DLG5: variants seen among roughly 807,000 people sequenced by gnomAD.
DLG5 encodes the protein discs large MAGUK scaffold protein 5, also known as disks large homolog 5.
In DLG5, 48 loss-of-function variants were observed where a neutral mutation model predicts 189.8. That is an observed-to-expected ratio of 0.25 (90% confidence interval 0.20 to 0.32). The LOEUF is 0.32. DLG5 is among the 10% of genes least tolerant of loss of function. DLG5 has a pLI of 1.00. For missense variants in DLG5, 2,160 were observed against 2,544.7 expected, an observed-to-expected ratio of 0.85 and a Z score of 3.25; for synonymous variants, 1,016 against 1,054.1, an observed-to-expected ratio of 0.96 and a Z score of 0.70.
Position 77,854,368 on chromosome 10 carries a change from G to C in DLG5, c.539C>G (p.Pro180Arg), listed in dbSNP as rs774027800. The change falls in exon 4 of 32, where the codon CCC (proline) becomes CGC (arginine). Residue 180 changes from proline to arginine, a missense_variant and splice_region_variant. Around this residue, in one of 5 missense-constraint regions of DLG5, gnomAD observed 664 missense variants for 838.5 expected, o/e 0.79. Coordinates refer to ENST00000372391, the MANE Select transcript of DLG5 (RefSeq NM_004747.4). ...ATHGTAFDKR[P>R]YHRLNPDYER... Reference sequence around the variant, plus strand: ...ATAGTCAGGATTCAGCCTGTGGTAGGGCCTGGCCCAGAGAGCGAATGGCCC... The same window carrying C: ...ATAGTCAGGATTCAGCCTGTGGTAGCGCCTGGCCCAGAGAGCGAATGGCCC... 3 of 1,613,800 alleles carry C rather than the reference G, an allele frequency of 1.9e-6. No individual in the cohort carries two copies. The highest frequency in any genetic ancestry group is 2.7e-5 in the African/African-American group (2 of 74,920).
chr10:77,919,283 T>C (rs1001913949), intron 1 of DLG5, among the ~76,000 whole-genome samples: 4 of 151,778 alleles, frequency 2.6e-5, no homozygotes, highest in African/African-American at 7.3e-5. Context: ...TTTCAGGAAA[T>C]GGAAAACCAG....
intron 3 of DLG5, 23 bp from the exon 4 acceptor site, chr10:77,854,393 C>T (rs1433227609): frequency 6.2e-7 from 1 of 1,612,784 alleles, no homozygotes. Flanking sequence ...GCGAATGGCC[C>T]CATGAACACA....
rs1842815767 is a variant in DLG5 at position 77,829,793 on chromosome 10, G to A, written c.2010-263C>T. ...TCAGCGTCTTCATATGTAAAATGGG[G>A]GCAATAATCACGCCTACCTTGTAGG... On this transcript the variant is annotated intron_variant, in intron 11 of 31. Coordinates refer to ENST00000372391, the MANE Select transcript of DLG5 (RefSeq NM_004747.4). 2.6e-5 allele frequency among the ~76,000 whole-genome samples: 4 copies of A among 152,148 alleles called. No homozygotes were observed. In the South Asian group the frequency reaches 8.3e-4, roughly 32 times the overall value.
chr10:77,875,869 G>C (rs900452904), intron 1 of DLG5, among the ~76,000 whole-genome samples: 1 of 151,794 alleles, frequency 6.6e-6, no homozygotes, highest in African/African-American at 2.4e-5. Context: ...CCCCTCCCTA[G>C]GGGCTCGGCC....
chr10:77,881,760 T>G (rs1444889357), intron 1 of DLG5, among the ~76,000 whole-genome samples: 1 of 152,168 alleles, frequency 6.6e-6, no homozygotes, highest in Non-Finnish European at 1.5e-5. Flanking sequence ...CATCCCATAA[T>G]GGCATGTTCC....
At chr10:77,878,864 C>T (rs375134179) in intron 1 of DLG5, among the ~76,000 whole-genome samples, 1 of 152,200 alleles carries the variant, frequency 6.6e-6, no homozygotes, top group Non-Finnish European at 1.5e-5. Context: ...GCTCCCACCA[C>T]CTACATACAG....
intron 2 of DLG5, among the ~76,000 whole-genome samples, chr10:77,860,222 C>T (rs779041153): frequency 6.6e-6 from 1 of 152,222 alleles, no homozygotes; most frequent in Non-Finnish European, 1.5e-5. Flanking sequence ...GCACTTCACC[C>T]TCATGCCTCG....
In DLG5 at chr10:77,926,566, C is replaced by A; in HGVS notation, c.-46G>T. ...CGCCCCGCCGGACGCCTCCCGGGCC[C>A]CCCGAGGCCGGCGGGCGGGCAGGCG... is the stretch of plus-strand genomic sequence containing the variant. On this transcript the variant is annotated 5_prime_UTR_variant, in exon 1 of 32. Coordinates refer to ENST00000372391, the MANE Select transcript of DLG5 (RefSeq NM_004747.4). The surrounding 1 kb of genome is among the most constrained non-coding windows in gnomAD (Gnocchi z 5.2). The A allele has an allele frequency of 3.3e-6, 4 of 1,210,042 alleles. No homozygotes were observed. The highest frequency in any genetic ancestry group is 4.1e-6 in the Non-Finnish European group (4 of 975,030). 75.0% of individuals were successfully genotyped at this position (1,210,042 alleles called of 1,614,324 possible). A position where few individuals can be genotyped will look rare whatever the true frequency, so the allele number is the denominator to read the frequency against.
chr10:77,825,887 A>G (rs916329372), intron 13 of DLG5, among the ~76,000 whole-genome samples: 2 of 152,048 alleles, frequency 1.3e-5, no homozygotes, highest in African/African-American at 4.8e-5. Context: ...ATATCTGCAG[A>G]GTGATTATCT....
chr10:77,824,723 G>C, intron 13 of DLG5: 1 of 452,966 alleles, frequency 2.2e-6, no homozygotes, highest in Non-Finnish European at 3.9e-6. Context: ...TCTGGGATCA[G>C]AACACCGAGG....
At chr10:77,833,322 GC>G (rs758269651) in intron 9 of DLG5, among the ~76,000 whole-genome samples, 207 of 142,260 alleles carry the variant, frequency 1.5e-3, no homozygotes, top group Non-Finnish European at 2.6e-3. Flanking sequence ...AGAACAGACT[GC>G]TGGATGGGGG....
At chr10:77,891,883 C>T (rs1276688352) in intron 1 of DLG5, among the ~76,000 whole-genome samples, 3 of 152,200 alleles carry the variant, frequency 2.0e-5, no homozygotes, top group South Asian at 2.1e-4. Context: ...TTGAATGAGT[C>T]CCCTAGCACA....
chr10:77,938,389 C>T, the DLG5 span, among the ~76,000 whole-genome samples: 2 of 152,070 alleles, frequency 1.3e-5, no homozygotes, highest in Non-Finnish European at 1.5e-5. Context: ...TATGATTGTG[C>T]CACTGTACTC....
chr10:77,793,737 A>G (rs1840761254), intron 31 of DLG5: 1 of 492,246 alleles, frequency 2.0e-6, no homozygotes, highest in Non-Finnish European at 3.7e-6. Context: ...CTGTGCTATG[A>G]GACAGACCCA....
At chr10:77,906,535 CAA>C (rs1846073540) in intron 1 of DLG5, among the ~76,000 whole-genome samples, 2 of 151,736 alleles carry the variant, frequency 1.3e-5, no homozygotes, top group Admixed American at 1.3e-4. Flanking sequence ...AAAATGCCAT[CAA>C]TCCCACCTTC....
At chr10:77,891,544 G>C (rs1845605588) in intron 1 of DLG5, among the ~76,000 whole-genome samples, 1 of 149,314 alleles carries the variant, frequency 6.7e-6, no homozygotes, top group African/African-American at 2.5e-5. Context: ...TTATTCATAG[G>C]CTGGTGAGCT....
At chr10:77,890,927 G>C (rs990840833) in intron 1 of DLG5, among the ~76,000 whole-genome samples, 6 of 152,100 alleles carry the variant, frequency 3.9e-5, no homozygotes, top group Non-Finnish European at 8.8e-5. Flanking sequence ...CCCTCCCAGG[G>C]CTCCCCCTTC....
intron 26 of DLG5, 40 bp downstream of exon 26, chr10:77,806,718 A>AAC: frequency 7.5e-7 from 1 of 1,333,654 alleles, no homozygotes; most frequent in Non-Finnish European, 1.1e-6. Context: ...GCCCTCGGCG[A>AAC]CCCCTGCCCC....
At chr10:77,940,189 T>C in the DLG5 span, among the ~76,000 whole-genome samples, 4 of 152,226 alleles carry the variant, frequency 2.6e-5, no homozygotes, top group Non-Finnish European at 5.9e-5. Context: ...CCGCTTCTAA[T>C]AGGCCCACCT....
Sources: allele counts gnomAD v4.1 joint callset (sites outside exome capture counted in the v4.1 genomes callset), GRCh38; gene constraint gnomAD v4.1.1; regional missense constraint gnomAD v4.1.1; non-coding constraint Gnocchi (gnomAD v3.1); transcripts MANE v1.5; gene names NCBI Gene and HGNC (gene_info 2026-07-23, HGNC 2026-07-21).